Variants in CACNA1S observed in about 807,000 individuals in gnomAD.
CACNA1S encodes the protein voltage-dependent L-type calcium channel subunit alpha-1S.
A neutral mutation model predicts 207.4 loss-of-function variants in CACNA1S; 126 were observed. The observed-to-expected ratio is 0.61, with a 90% CI of 0.53 to 0.70. The LOEUF (loss-of-function observed/expected upper bound fraction) is 0.70. Ranked by LOEUF, CACNA1S falls within the 30% of genes least tolerant of loss-of-function variation. The probability of loss-of-function intolerance (pLI) is 0.00; values close to 1 mark genes in which losing one functional copy is unlikely to be tolerated. For missense variants in CACNA1S, 2,349 were observed against 2,422.8 expected, an observed-to-expected ratio of 0.97 and a Z score of 0.64; for synonymous variants, 960 against 932.7, an observed-to-expected ratio of 1.03 and a Z score of -0.53.
At chr1:201,062,812 CCT>C (rs1362797190) in intron 22 of CACNA1S, among the ~76,000 whole-genome samples, 24 of 152,336 alleles carry the variant, frequency 1.6e-4, no homozygotes, top group African/African-American at 5.8e-4. Flanking sequence ...CTGAGTGCCC[CCT>C]GATGGGCTGA....
chr1:201,047,310 A>T, intron 37 of CACNA1S, 71 bp from the exon 38 acceptor site: 1 of 1,599,350 alleles, frequency 6.3e-7, no homozygotes, highest in Non-Finnish European at 8.6e-7. Flanking sequence ...AGTGGGAGCC[A>T]GCTGTAGCCA....
chr1:201,079,840 A>G (rs2102147199), intron 10 of CACNA1S, among the ~76,000 whole-genome samples: 1 of 152,266 alleles, frequency 6.6e-6, no homozygotes, highest in Middle Eastern at 3.4e-3. Context: ...CATCATGAGA[A>G]TTGCTGCAAC....
chr1:201,076,123 A>G (rs900331713), intron 12 of CACNA1S, among the ~76,000 whole-genome samples: 76 of 152,316 alleles, frequency 5.0e-4, no homozygotes, highest in African/African-American at 1.8e-3. Context: ...GCTGCTCTCT[A>G]TGGACAAGAA....
chr1:201,064,489 C>G (rs1391457974), intron 22 of CACNA1S, among the ~76,000 whole-genome samples: 5 of 152,356 alleles, frequency 3.3e-5, no homozygotes, highest in Admixed American at 6.5e-5. Context: ...GCCCTCAGCT[C>G]TAGCAGAGGC....
chr1:201,074,393 G>T, intron 14 of CACNA1S, 113 bp downstream of exon 14: 1 of 732,942 alleles, frequency 1.4e-6, no homozygotes, highest in Non-Finnish European at 2.5e-6. Context: ...TGAGGTGGGT[G>T]TCACCATGTC....
Position 201,087,937 on chromosome 1 carries a change from G to A in CACNA1S, c.901-8C>T. The stretch of plus-strand genomic sequence containing the variant: ...CCCGATGGCATCATTGACCTGGTCA[G>A]GACAGAAGTGTGATCCTCTGAGTTG... On this transcript the variant is annotated splice_polypyrimidine_tract_variant and splice_region_variant and intron_variant, in intron 6 of 43. Transcript: ENST00000362061. 6.3e-7 allele frequency: 1 copy of A among 1,579,962 alleles called. No homozygotes were observed. Among genetic ancestry groups the A allele is most frequent in the East Asian group, 2.2e-5 (1 of 44,586 alleles).
chr1:201,049,297 A>G (rs1247854084), intron 34 of CACNA1S, among the ~76,000 whole-genome samples, 198 bp from the exon 35 acceptor site: 1 of 152,190 alleles, frequency 6.6e-6, no homozygotes, highest in Admixed American at 6.5e-5. Flanking sequence ...TGTCTACAAA[A>G]TGGGTACCCC....
rs1253529324 is a variant in CACNA1S, at chr1:201,076,250, C to A, written c.1828-635G>T. Among the ~76,000 whole-genome samples, 5 of 152,208 alleles carry A rather than the reference C, an allele frequency of 3.3e-5. No individual in the cohort carries two copies. The East Asian group carries it at 9.6e-4, about 29-fold the overall frequency. On this transcript the variant is annotated intron_variant, in intron 12 of 43. Transcript: ENST00000362061. ...TTAGAAGTCCTGTGAAATGTCGAGT[C>A]TCTTGAAAGGCCGGAGGCCTGACCA...
At chr1:201,093,233 A>G (rs760158979) in intron 3 of CACNA1S, among the ~76,000 whole-genome samples, 5 of 152,196 alleles carry the variant, frequency 3.3e-5, no homozygotes, top group Admixed American at 6.5e-5. Flanking sequence ...AGATGAAACG[A>G]AGTTGTTAGG....
intron 26 of CACNA1S, among the ~76,000 whole-genome samples, chr1:201,059,704 A>T (rs969799911): frequency 2.0e-5 from 3 of 152,074 alleles, no homozygotes; most frequent in Non-Finnish European, 2.9e-5. Context: ...GGGAAAGAAG[A>T]CCCCTGGATT....
At chr1:201,088,021 C>T (rs1177456094) in intron 6 of CACNA1S, 92 bp from the exon 7 acceptor site, 2 of 843,124 alleles carry the variant, frequency 2.4e-6, no homozygotes, top group African/African-American at 3.4e-5. Context: ...CCCTGGGGGA[C>T]AAGGAGAGAA....
chr1:201,071,482 TC>T (rs758931044), intron 16 of CACNA1S, among the ~76,000 whole-genome samples: 6 of 152,228 alleles, frequency 3.9e-5, no homozygotes, highest in Non-Finnish European at 7.3e-5. Flanking sequence ...TCTTACTTCC[TC>T]CACCTATGCC....
At chr1:201,073,126 C>T (rs566099058) in intron 15 of CACNA1S, among the ~76,000 whole-genome samples, 13 of 152,282 alleles carry the variant, frequency 8.5e-5, no homozygotes, top group South Asian at 6.2e-4. Flanking sequence ...GCCAGGACCT[C>T]GAGCCTCTCT....
intron 9 of CACNA1S, 109 bp downstream of exon 9, chr1:201,084,841 G>A (rs755425421): frequency 1.4e-4 from 115 of 815,668 alleles, no homozygotes; most frequent in Non-Finnish European, 2.3e-4. Context: ...CCTTTCTAAA[G>A]GATTAGACAA....
chr1:201,077,687 A>G (rs1260118628), intron 11 of CACNA1S, among the ~76,000 whole-genome samples, 192 bp downstream of exon 11: 2 of 152,218 alleles, frequency 1.3e-5, no homozygotes, highest in African/African-American at 4.8e-5. Flanking sequence ...AAACAGAGAA[A>G]TGAGTTCAAA....
chr1:201,040,286 G>C lies in CACNA1S; in HGVS notation c.5315C>G (p.Thr1772Ser), dbSNP rs751225635. Residue 1772 changes from threonine to serine, a missense_variant, in exon 43 of 44, where the codon ACC (threonine) becomes AGC (serine). Coordinates refer to ENST00000362061, the MANE Select transcript of CACNA1S (RefSeq NM_000069.3). ...LHEETPHSRSTRENTSRCSAP... is the reference protein window; with the variant it reads ...LHEETPHSRSSRENTSRCSAP... ...TGAGCACCTGGAAGTATTCTCCCTG[G>C]TGCTCCTGCTGTGGGGTGTCTCCTC... 5.6e-6 allele frequency: 9 copies of C among 1,613,800 alleles called. No homozygotes were observed. Among genetic ancestry groups the C allele is most frequent in the Non-Finnish European group, 7.6e-6 (9 of 1,179,964 alleles).
Position 201,054,543 on chromosome 1 carries a change from CG to C in CACNA1S, c.3627del (p.Ser1209ArgfsTer33). On this transcript the variant is annotated frameshift_variant, in exon 29 of 44. Transcript: ENST00000362061. LOFTEE classifies it high-confidence loss of function. ...LSEIDTFLAS[S>X]GGLYCLGGGC... ...CCTCCACCCAGGCAATACAGTCCCC[CG>C]CTGGAGGCCAGGAAAGTCTGTGGAG... 1 of 1,613,702 alleles carries C rather than the reference CG, an allele frequency of 6.2e-7. No individual in the cohort carries two copies. Among genetic ancestry groups the C allele is most frequent in the Non-Finnish European group, 8.5e-7 (1 of 1,179,876 alleles).
At chr1:201,060,023 C>T (rs955972145) in intron 26 of CACNA1S, among the ~76,000 whole-genome samples, 1 of 152,226 alleles carries the variant, frequency 6.6e-6, no homozygotes, top group African/African-American at 2.4e-5. Flanking sequence ...CAGCCCCAAA[C>T]ACAAGCCAGT....
chr1:201,082,975 C>T (rs550957083), intron 10 of CACNA1S, among the ~76,000 whole-genome samples, 187 bp downstream of exon 10: 11 of 152,276 alleles, frequency 7.2e-5, no homozygotes, highest in East Asian at 3.9e-4. Flanking sequence ...TTGAGGTCTC[C>T]GTTTTACCCC....
Sources: gnomAD v4.1 joint callset for allele counts (sites outside exome capture counted in the v4.1 genomes callset) on GRCh38, gnomAD v4.1.1 for gene constraint, MANE v1.5 for transcripts, NCBI Gene and HGNC (gene_info 2026-07-23, HGNC 2026-07-21) for gene names.